SEPTIN9: variants seen among roughly 807,000 people sequenced by gnomAD.
SEPTIN9 encodes the protein septin 9.
Under a neutral mutation model 56.6 loss-of-function variants are expected in SEPTIN9, and 13 were observed. The ratio of observed to expected loss-of-function variants is 0.23; its 90% confidence interval spans 0.15 to 0.37. The LOEUF is 0.37. Ranked by LOEUF, SEPTIN9 falls within the 10% of genes least tolerant of loss-of-function variation. The pLI, the probability that SEPTIN9 is intolerant of heterozygous loss-of-function variation, is 1.00. For synonymous variants in SEPTIN9, 332 were observed against 334.1 expected (o/e 0.99, Z 0.07); for missense variants, 650 against 823.1 (o/e 0.79, Z 2.57).
chr17:77,495,195 G>A (rs547713183), intron 10 of SEPTIN9, among the ~76,000 whole-genome samples: 3 of 152,248 alleles, frequency 2.0e-5, no homozygotes, highest in Admixed American at 6.5e-5. Flanking sequence ...AGAGGTCCCC[G>A]CACCTCTCTG....
chr17:77,484,514 ATGG>A (rs778386422), intron 4 of SEPTIN9, among the ~76,000 whole-genome samples: 1 of 110,592 alleles, frequency 9.0e-6, no homozygotes, highest in Admixed American at 8.8e-5. Context: ...GGTGATGGTG[ATGG>A]TGGTAATTGT....
In SEPTIN9 at chr17:77,333,179, C is replaced by T. The variant is rs193044394; in HGVS notation, c.76+25982C>T. Among the ~76,000 whole-genome samples, 257 of 152,328 alleles carry T rather than the reference C, an allele frequency of 1.7e-3. 1 individual carries two copies. The highest frequency in any genetic ancestry group is 6.0e-3 in the African/African-American group (248 of 41,568). ...TCTGGTGGGCGTGTAGTGGTATCAT[C>T]TCATTATGGCTTTAATTTGCTTTGG... On this transcript the variant is annotated intron_variant, in intron 2 of 11. Transcript: ENST00000427177.
Position 77,319,520 on chromosome 17 carries a change from C to G in SEPTIN9, c.76+12323C>G. The G allele has an allele frequency of 9.6e-7, 1 of 1,044,830 alleles. No individual in the cohort carries two copies. The allele number at this position is 1,044,830 out of a possible 1,614,324, so 64.7% of individuals were successfully genotyped here. Reference sequence around the variant, plus strand: ...GCCTGGGCGGGGACGGCAACTGCCTCTGTCACTGCAGACTAATGGGACGGA... The same window carrying G: ...GCCTGGGCGGGGACGGCAACTGCCTGTGTCACTGCAGACTAATGGGACGGA... On this transcript the variant is annotated intron_variant, in intron 2 of 11. Transcript: ENST00000427177. The surrounding 1 kb of genome is among the most constrained non-coding windows in gnomAD (Gnocchi z 5.3).
At chr17:77,352,358 G>A (rs937630467) in intron 2 of SEPTIN9, among the ~76,000 whole-genome samples, 1 of 152,032 alleles carries the variant, frequency 6.6e-6, no homozygotes, top group Non-Finnish European at 1.5e-5. Flanking sequence ...AGTGAGCCGA[G>A]ATCGCGCCAT....
At chr17:77,412,765 G>A (rs1455770713) in intron 3 of SEPTIN9, among the ~76,000 whole-genome samples, 1 of 152,040 alleles carries the variant, frequency 6.6e-6, no homozygotes, top group Non-Finnish European at 1.5e-5. Context: ...TATCACAGCA[G>A]GTACGAGTAT....
Position 77,369,967 on chromosome 17 carries a change from T to C in SEPTIN9, c.77-32092T>C, listed in dbSNP as rs891600734. Among the ~76,000 whole-genome samples the C allele has an allele frequency of 2.0e-5, 3 of 152,196 alleles. No homozygotes were observed. The highest frequency in any genetic ancestry group is 2.0e-4 in the Admixed American group (3 of 15,280). On this transcript the variant is annotated intron_variant, in intron 2 of 11. Coordinates refer to ENST00000427177, the MANE Select transcript of SEPTIN9 (RefSeq NM_001113491.2). The surrounding 1 kb of genome is among the most constrained non-coding windows in gnomAD (Gnocchi z 4.9). ...GCTCCTTCCCATTTCCAGAAAGGCG[T>C]GCAGGGGTTTCCTATGGCTCTCTTC...
chr17:77,285,090 A>G (rs947268034), intron 1 of SEPTIN9, among the ~76,000 whole-genome samples: 1 of 152,178 alleles, frequency 6.6e-6, no homozygotes, highest in African/African-American at 2.4e-5. Context: ...CGCCATTGCT[A>G]GGACGTTCCA....
In SEPTIN9 at chr17:77,476,853, C is replaced by T. The variant is rs1014372873; in HGVS notation, c.722-5291C>T. ...TGAGAACCTCAGGCCTAAGTGTTGG[C>T]CTCTGGGCCTCAGCTGTCCTCTGAG... On this transcript the variant is annotated intron_variant, in intron 3 of 11. Coordinates refer to ENST00000427177, the MANE Select transcript of SEPTIN9 (RefSeq NM_001113491.2). The surrounding 1 kb of genome is among the most constrained non-coding windows in gnomAD (Gnocchi z 6.0). Among the ~76,000 whole-genome samples, 7 of 152,228 alleles carry T rather than the reference C, an allele frequency of 4.6e-5. No individual in the cohort carries two copies. The highest frequency in any genetic ancestry group is 1.0e-4 in the Non-Finnish European group (7 of 68,036).
intron 3 of SEPTIN9, among the ~76,000 whole-genome samples, chr17:77,412,867 CCTTTTAG>C (rs1218618768): frequency 1.5e-5 from 2 of 135,398 alleles, no homozygotes; most frequent in Non-Finnish European, 3.5e-5. Context: ...CTCTGCTTTC[CCTTTTAG>C]CTTTTGGAAT....
At chr17:77,408,049 G>A (rs1049838590) in intron 3 of SEPTIN9, among the ~76,000 whole-genome samples, 6 of 152,026 alleles carry the variant, frequency 3.9e-5, no homozygotes, top group Admixed American at 6.6e-5. Flanking sequence ...TAAGGCGGGT[G>A]CTCAGCGCTC....
intron 2 of SEPTIN9, among the ~76,000 whole-genome samples, chr17:77,359,602 T>C (rs2034352331): frequency 1.3e-5 from 2 of 152,026 alleles, no homozygotes; most frequent in African/African-American, 4.8e-5. Flanking sequence ...GAGACCAGTT[T>C]GGGCAAATTG....
chr17:77,396,791 A>T (rs1283976006), intron 2 of SEPTIN9, among the ~76,000 whole-genome samples: 1 of 152,010 alleles, frequency 6.6e-6, no homozygotes, highest in Non-Finnish European at 1.5e-5. Flanking sequence ...ATCTTGTTTC[A>T]TTGCCACATA....
chr17:77,321,943 A>G (rs886174961), intron 2 of SEPTIN9, among the ~76,000 whole-genome samples: 15 of 152,122 alleles, frequency 9.9e-5, no homozygotes, highest in Non-Finnish European at 5.9e-5. Context: ...GCTGAGAGGG[A>G]CCTTCGTCAG....
rs2032441346 is a variant in SEPTIN9 at position 77,310,328 on chromosome 17, C to T, written c.76+3131C>T. Among the ~76,000 whole-genome samples the T allele has an allele frequency of 6.6e-6, 1 of 152,180 alleles. No homozygotes were observed. The highest frequency in any genetic ancestry group is 6.5e-5 in the Admixed American group (1 of 15,276). ...CATCAGCATCGTGTGACTGAGCAGC[C>T]TAGGTCTGTCTCCTCTTGAATGCCG... On this transcript the variant is annotated intron_variant, in intron 2 of 11. Coordinates refer to ENST00000427177, the MANE Select transcript of SEPTIN9 (RefSeq NM_001113491.2). This position sits in a 1 kb window ranked among gnomAD's most constrained non-coding sequence, Gnocchi z 4.7.
At chr17:77,344,266 G>A (rs1229289416) in intron 2 of SEPTIN9, among the ~76,000 whole-genome samples, 1 of 152,128 alleles carries the variant, frequency 6.6e-6, no homozygotes, top group Non-Finnish European at 1.5e-5. Flanking sequence ...GATGCGCAGT[G>A]TCACTAATCA....
chr17:77,462,802 C>T (rs554120307), intron 3 of SEPTIN9, among the ~76,000 whole-genome samples: 75 of 152,180 alleles, frequency 4.9e-4, no homozygotes, highest in African/African-American at 1.4e-3. Flanking sequence ...CCACCACACC[C>T]GGCTGATTTT....
intron 11 of SEPTIN9, chr17:77,497,701 G>T: frequency 2.3e-6 from 1 of 442,512 alleles, no homozygotes; most frequent in East Asian, 4.4e-5. Context: ...CCGGCAGCGT[G>T]GGGCGTCTCC....
rs1452000361 is a variant in SEPTIN9 at position 77,433,633 on chromosome 17, C to T, written c.721+30930C>T. 1.3e-5 allele frequency among the ~76,000 whole-genome samples: 2 copies of T among 152,136 alleles called. No individual in the cohort carries two copies. The highest frequency in any genetic ancestry group is 2.1e-4 in the South Asian group (1 of 4,824). ...ATAGGCCAGAGGGGTGGGGCTGGAG[C>T]GGGCGTCTGACCTGTGGCTGGATCT... On this transcript the variant is annotated intron_variant, in intron 3 of 11. Transcript: ENST00000427177. This position sits in a 1 kb window ranked among gnomAD's most constrained non-coding sequence, Gnocchi z 6.4.
intron 2 of SEPTIN9, among the ~76,000 whole-genome samples, chr17:77,314,341 CTTTTTTTT>C (rs33986509): frequency 2.9e-5 from 2 of 67,956 alleles, no homozygotes; most frequent in Admixed American, 2.0e-4. Flanking sequence ...TGTGCCTGGA[CTTTTTTTT>C]TTTTTTTTTT....
Sources: allele counts gnomAD v4.1 joint callset (sites outside exome capture counted in the v4.1 genomes callset), GRCh38; gene constraint gnomAD v4.1.1; non-coding constraint Gnocchi (gnomAD v3.1); transcripts MANE v1.5; gene names NCBI Gene and HGNC (gene_info 2026-07-23, HGNC 2026-07-21).